EEIG1: variants seen among roughly 807,000 people sequenced by gnomAD.
The protein encoded by EEIG1 is estrogen-induced osteoclastogenesis regulator 1, also known as early estrogen-induced gene 1 protein.
chr9:127,953,377 T>G, the EEIG1 span: 1 of 597,282 alleles, frequency 1.7e-6, no homozygotes, highest in Non-Finnish European at 3.0e-6. Context: ...TTCTGTACCA[T>G]TTATATTGCA....
chr9:127,959,644 T>C, the EEIG1 span, among the ~76,000 whole-genome samples: 50 of 152,192 alleles, frequency 3.3e-4, no homozygotes, highest in Admixed American at 9.8e-4. Flanking sequence ...GATCTGATGG[T>C]TTTATAAGGG....
the EEIG1 span, chr9:127,943,248 G>C: frequency 5.5e-5 from 88 of 1,614,096 alleles, no homozygotes; most frequent in Admixed American, 1.4e-3. Context: ...CTGCAGGTGA[G>C]AGACAGGTCA....
the EEIG1 span, among the ~76,000 whole-genome samples, chr9:127,946,810 C>G: frequency 6.6e-6 from 1 of 152,152 alleles, no homozygotes; most frequent in Non-Finnish European, 1.5e-5. Flanking sequence ...CTCTCAGTTC[C>G]CAGAGGCAGA....
At chr9:127,953,635 T>C in the EEIG1 span, 3 of 1,613,732 alleles carry the variant, frequency 1.9e-6, no homozygotes, top group Non-Finnish European at 2.5e-6. Context: ...AAGCAGCAAG[T>C]TGACTGCAGA....
chr9:127,975,156 C>A, the EEIG1 span, among the ~76,000 whole-genome samples: 1 of 152,190 alleles, frequency 6.6e-6, no homozygotes, highest in Non-Finnish European at 1.5e-5. Context: ...AGGAAAGACC[C>A]GGCCAGGCTG....
chr9:127,951,177 T>C, the EEIG1 span, among the ~76,000 whole-genome samples: 1 of 152,180 alleles, frequency 6.6e-6, no homozygotes, highest in East Asian at 1.9e-4. Context: ...CCAAGTCTGC[T>C]AGACCTGGAG....
the EEIG1 span, among the ~76,000 whole-genome samples, chr9:127,968,231 G>A: frequency 1.3e-5 from 2 of 152,116 alleles, no homozygotes; most frequent in African/African-American, 4.8e-5. Flanking sequence ...CACCCAAGGA[G>A]GAAGGGGAGA....
chr9:127,940,909 T>A, the EEIG1 span: 8 of 151,978 alleles, frequency 5.3e-5, no homozygotes, highest in African/African-American at 1.9e-4. Flanking sequence ...TTTCTTTAAA[T>A]CTCCTAATAA....
the EEIG1 span, among the ~76,000 whole-genome samples, chr9:127,962,958 T>C: frequency 1.3e-5 from 2 of 152,282 alleles, no homozygotes; most frequent in South Asian, 4.1e-4. Flanking sequence ...GCTACAGAAC[T>C]GAAATTTTAA....
chr9:127,968,204 C>T, the EEIG1 span, among the ~76,000 whole-genome samples: 1 of 152,038 alleles, frequency 6.6e-6, no homozygotes, highest in East Asian at 1.9e-4. Context: ...TGACTCATGC[C>T]TGGGTGGTGG....
chr9:127,944,249 T>C, the EEIG1 span: 9 of 353,242 alleles, frequency 2.5e-5, no homozygotes, highest in African/African-American at 1.9e-4. Context: ...CCATGAGGCA[T>C]CACCACCACC....
At chr9:127,959,784 T>C in the EEIG1 span, among the ~76,000 whole-genome samples, 1 of 152,364 alleles carries the variant, frequency 6.6e-6, no homozygotes, top group East Asian at 1.9e-4. Context: ...GTGAGTCAAT[T>C]AAACTTCTTT....
the EEIG1 span, among the ~76,000 whole-genome samples, chr9:127,955,127 C>A: frequency 6.6e-6 from 1 of 152,198 alleles, no homozygotes; most frequent in Non-Finnish European, 1.5e-5. Flanking sequence ...GCTCATCCCA[C>A]CTAAGCACAA....
chr9:127,968,154 G>A, the EEIG1 span, among the ~76,000 whole-genome samples: 3 of 151,966 alleles, frequency 2.0e-5, no homozygotes, highest in African/African-American at 7.2e-5. Flanking sequence ...CAGGGAGGGG[G>A]ACCAGCAGGT....
At chr9:127,969,203 C>T in the EEIG1 span, among the ~76,000 whole-genome samples, 2 of 152,202 alleles carry the variant, frequency 1.3e-5, no homozygotes, top group African/African-American at 2.4e-5. Flanking sequence ...TCTCCCCCAC[C>T]CCACTGTGCT....
chr9:127,970,397 G>A, the EEIG1 span, among the ~76,000 whole-genome samples: 7 of 152,302 alleles, frequency 4.6e-5, no homozygotes, highest in African/African-American at 1.7e-4. Context: ...GGGATTACAG[G>A]AGTGAGCCAC....
At chr9:127,971,380 C>T in the EEIG1 span, among the ~76,000 whole-genome samples, 1 of 152,268 alleles carries the variant, frequency 6.6e-6, no homozygotes, top group Non-Finnish European at 1.5e-5. Flanking sequence ...TTGCTATGAG[C>T]ATCCCTGCCC....
At chr9:127,972,810 G>C in the EEIG1 span, among the ~76,000 whole-genome samples, 1 of 152,150 alleles carries the variant, frequency 6.6e-6, no homozygotes, top group Non-Finnish European at 1.5e-5. The surrounding 1 kb of genome is among the most constrained non-coding windows in gnomAD (Gnocchi z 4.3). Flanking sequence ...TCCAAGCCCT[G>C]GGTGCCAAAA....
chr9:127,978,051 G>A, the EEIG1 span, among the ~76,000 whole-genome samples: 1 of 152,126 alleles, frequency 6.6e-6, no homozygotes, highest in Non-Finnish European at 1.5e-5. Flanking sequence ...GTGGCCTCAG[G>A]ATCACAGGCT....
Sources: gnomAD v4.1 joint callset for allele counts (sites outside exome capture counted in the v4.1 genomes callset) on GRCh38, gnomAD v4.1.1 for gene constraint, Gnocchi (gnomAD v3.1) non-coding constraint, MANE v1.5 for transcripts, NCBI Gene and HGNC (gene_info 2026-07-23, HGNC 2026-07-21) for gene names.